Variants in RBFOX1 observed in about 807,000 individuals in gnomAD.
RBFOX1 encodes RNA binding fox-1 homolog 1.
RBFOX1 carries 8 observed loss-of-function variants against 57.7 expected under a neutral mutation model. That is an observed-to-expected ratio of 0.14 (90% CI 0.08 to 0.25). The LOEUF is 0.25. Among genes scored for constraint, RBFOX1 ranks in the 10% least tolerant of loss-of-function variants. RBFOX1 has a pLI of 1.00. For missense variants in RBFOX1, 611 were observed against 548.5 expected (o/e 1.11, Z -1.14); for synonymous variants, 326 against 222.4 (o/e 1.47, Z -4.15).
intron 4 of RBFOX1, among the ~76,000 whole-genome samples, chr16:5,969,684 A>G (rs2059925159): frequency 6.6e-6 from 1 of 151,948 alleles, no homozygotes; most frequent in Non-Finnish European, 1.5e-5. Context: ...ATCTAACTTC[A>G]CAGAGCTCCC....
At chr16:5,685,256 G>T (rs368071026) in intron 3 of RBFOX1, among the ~76,000 whole-genome samples, 23 of 152,244 alleles carry the variant, frequency 1.5e-4, no homozygotes, top group African/African-American at 5.1e-4. Context: ...AGAAATTGAT[G>T]CACTGCCTTT....
At chr16:7,121,985 G>C (rs1252615349) in intron 4 of RBFOX1, among the ~76,000 whole-genome samples, 1 of 151,970 alleles carries the variant, frequency 6.6e-6, no homozygotes, top group East Asian at 1.9e-4. Flanking sequence ...CAAATCATAT[G>C]CTTTACAAAA....
intron 4 of RBFOX1, among the ~76,000 whole-genome samples, chr16:7,491,981 G>T (rs954758557): frequency 1.9e-4 from 29 of 151,888 alleles, no homozygotes; most frequent in Non-Finnish European, 3.4e-4. Flanking sequence ...TGTTCCTAAC[G>T]CCTAGGCTGA....
chr16:7,661,582 G>C (rs905508586), intron 12 of RBFOX1, among the ~76,000 whole-genome samples: 1 of 152,238 alleles, frequency 6.6e-6, no homozygotes, highest in African/African-American at 2.4e-5. Context: ...GTCTCCTGCA[G>C]TATCTATCTC....
chr16:6,613,073 G>T (rs1344524984), intron 2 of RBFOX1, among the ~76,000 whole-genome samples: 1 of 151,008 alleles, frequency 6.6e-6, no homozygotes, highest in Non-Finnish European at 1.5e-5. Context: ...GAATTCACAG[G>T]ATAAATACTG....
At chr16:5,718,713 C>T (rs1414048677) in intron 3 of RBFOX1, among the ~76,000 whole-genome samples, 1 of 152,138 alleles carries the variant, frequency 6.6e-6, no homozygotes, top group South Asian at 2.1e-4. Flanking sequence ...TTGAGACCAG[C>T]CTGGCCGACA....
At chr16:7,078,660 T>G (rs538921348) in intron 4 of RBFOX1, among the ~76,000 whole-genome samples, 1 of 150,280 alleles carries the variant, frequency 6.7e-6, no homozygotes, top group Non-Finnish European at 1.5e-5. Context: ...ACCCTATTTT[T>G]TATTTTATCT....
intron 3 of RBFOX1, among the ~76,000 whole-genome samples, chr16:7,032,287 C>CA (rs1302140546): frequency 5.3e-5 from 8 of 151,458 alleles, no homozygotes; most frequent in Non-Finnish European, 8.8e-5. Flanking sequence ...AAAAACAAAA[C>CA]AAAAAAATTT....
At chr16:5,728,316 A>G (rs1433475650) in intron 3 of RBFOX1, among the ~76,000 whole-genome samples, 3 of 152,250 alleles carry the variant, frequency 2.0e-5, no homozygotes, top group Non-Finnish European at 4.4e-5. Context: ...AATAACATGG[A>G]TGAATGCTGC....
At chr16:7,134,417 A>G (rs764249188) in intron 4 of RBFOX1, among the ~76,000 whole-genome samples, 1 of 152,216 alleles carries the variant, frequency 6.6e-6, no homozygotes, top group African/African-American at 2.4e-5. Context: ...TTCTTCAGGC[A>G]TTGAGGATGT....
chr16:5,309,120 CTCTT>C (rs2064015247), intron 1 of RBFOX1, among the ~76,000 whole-genome samples: 1 of 152,214 alleles, frequency 6.6e-6, no homozygotes, highest in African/African-American at 2.4e-5. Flanking sequence ...ACAGCTCCCT[CTCTT>C]TCTAATAATT....
At chr16:6,866,541 A>ATTTTTTTTTTTTTTTTTTTTTTTT (rs56678526) in intron 3 of RBFOX1, among the ~76,000 whole-genome samples, 1 of 78,878 alleles carries the variant, frequency 1.3e-5, no homozygotes, top group Non-Finnish European at 2.2e-5. Context: ...CTTTCCTTCT[A>ATTTTTTTTTTTTTTTTTTTTTTTT]TTTTTTTTTT....
chr16:6,624,284 A>G (rs111477717), intron 2 of RBFOX1, among the ~76,000 whole-genome samples: 2 of 152,316 alleles, frequency 1.3e-5, no homozygotes, highest in Middle Eastern at 3.4e-3. Context: ...TTGCAAAAGT[A>G]CCTTTTAATA....
chr16:5,996,264 C>T (rs1186790540), intron 4 of RBFOX1, among the ~76,000 whole-genome samples: 1 of 152,146 alleles, frequency 6.6e-6, no homozygotes, highest in Non-Finnish European at 1.5e-5. Context: ...AGAACTTTCT[C>T]TACATCCGCA....
At chr16:5,310,817 C>A (rs1235880270) in intron 1 of RBFOX1, among the ~76,000 whole-genome samples, 1 of 152,088 alleles carries the variant, frequency 6.6e-6, no homozygotes, top group Non-Finnish European at 1.5e-5. Flanking sequence ...ATAGTTTGTA[C>A]AAATGAAGTA....
intron 10 of RBFOX1, among the ~76,000 whole-genome samples, chr16:7,625,938 C>A (rs1257909243): frequency 3.3e-5 from 5 of 152,148 alleles, no homozygotes; most frequent in African/African-American, 1.2e-4. Context: ...GATTCCTGAT[C>A]TCTTTGAATT....
intron 2 of RBFOX1, among the ~76,000 whole-genome samples, chr16:6,613,764 C>A (rs923845832): frequency 1.3e-5 from 2 of 152,140 alleles, no homozygotes; most frequent in Admixed American, 6.5e-5. Context: ...TGGCGAAACC[C>A]CATCTCTACT....
chr16:6,569,735 C>T (rs898415504), intron 2 of RBFOX1, among the ~76,000 whole-genome samples: 21 of 152,146 alleles, frequency 1.4e-4, no homozygotes, highest in African/African-American at 5.1e-4. Flanking sequence ...TAGTATTCTC[C>T]CTTCATTCTC....
chr16:6,966,952 A>G (rs935792342), intron 3 of RBFOX1, among the ~76,000 whole-genome samples: 2 of 151,610 alleles, frequency 1.3e-5, no homozygotes, highest in Admixed American at 1.3e-4. Flanking sequence ...CCTACCTATT[A>G]TCTATTTGCC....
Sources: gnomAD v4.1 joint callset for allele counts (sites outside exome capture counted in the v4.1 genomes callset) on GRCh38, gnomAD v4.1.1 for gene constraint, MANE v1.5 for transcripts, NCBI Gene and HGNC (gene_info 2026-07-23, HGNC 2026-07-21) for gene names.